The following ICAM5 variants were observed in gnomAD, a reference collection of about 807,000 sequenced individuals.
The protein encoded by ICAM5 is intercellular adhesion molecule 5, also known as ICAM-5.
ICAM5 carries 38 observed loss-of-function variants against 78.8 expected under a neutral mutation model. The observed-to-expected ratio is 0.48, with a 90% CI of 0.37 to 0.63. ICAM5 has a LOEUF of 0.63. Ranked by LOEUF, ICAM5 falls within the 30% of genes least tolerant of loss-of-function variation. The pLI is 0.00. For missense variants in ICAM5, 1,059 were observed against 1,303.0 expected, an observed-to-expected ratio of 0.81 and a Z score of 2.88; for synonymous variants, 544 against 590.9, an observed-to-expected ratio of 0.92 and a Z score of 1.15.
In ICAM5 at chr19:10,293,736, A is replaced by G. The variant is rs765013341; in HGVS notation, c.1504A>G (p.Ile502Val). The change falls in exon 7 of 11, where the codon ATT (isoleucine) becomes GTT (valine). Residue 502 changes from isoleucine (I) to valine (V), a missense_variant. This residue lies in a region of ICAM5 where 815 missense variants were observed against 952.8 expected (regional missense o/e 0.86). Coordinates refer to ENST00000221980, the MANE Select transcript of ICAM5 (RefSeq NM_003259.4). This position sits in a 1 kb window ranked among gnomAD's most constrained non-coding sequence, Gnocchi z 5.0. Reference sequence around the variant, plus strand: ...GGACAGCGTGGGCTGCCCAGAACGCATTACTTGGCTGGAGGGAACAGAAGC... The same window carrying G: ...GGACAGCGTGGGCTGCCCAGAACGCGTTACTTGGCTGGAGGGAACAGAAGC... ...ALDSVGCPER[I>V]TWLEGTEASL... The G allele has an allele frequency of 8.7e-6, 14 of 1,613,802 alleles. No individual in the cohort carries two copies. The East Asian group carries it at 2.7e-4, about 31-fold the overall frequency.
Position 10,293,262 on chromosome 19 carries a change from C to T in ICAM5, c.1465+16C>T. ...ACGGTGGAGTGTGAGTGGGGGTGCG[C>T]AGGGTGCATTTCTATCTGGTTCAAG... On this transcript the variant is annotated intron_variant, in intron 6 of 10. Transcript: ENST00000221980. The surrounding 1 kb of genome is among the most constrained non-coding windows in gnomAD (Gnocchi z 5.0). 6.4e-7 allele frequency: 1 copy of T among 1,563,650 alleles called. No individual in the cohort carries two copies. The highest frequency in any genetic ancestry group is 8.7e-7 in the Non-Finnish European group (1 of 1,153,392).
At chr19:10,292,528 C>T (rs942373257) in intron 4 of ICAM5, 84 bp from the exon 5 acceptor site, 1 of 1,496,358 alleles carries the variant, frequency 6.7e-7, no homozygotes, top group Non-Finnish European at 9.0e-7. Flanking sequence ...CTCAGCACCC[C>T]GAGGATTCGG....
Position 10,290,375 on chromosome 19 carries a change from G to A in ICAM5, c.82+250G>A. 6.5e-6 allele frequency: 3 copies of A among 458,276 alleles called. No individual in the cohort carries two copies. In the Admixed American group the frequency reaches 1.2e-4, roughly 18 times the overall value. The allele number at this position is 458,276 out of a possible 1,614,324, so 28.4% of individuals were successfully genotyped here. ...CTTCCGCACCCAACCCTTCGCCCTG[G>A]AGACCCAGTGTCTCTCCTGTCCGCT... is the stretch of plus-strand genomic sequence containing the variant. On this transcript the variant is annotated intron_variant, in intron 1 of 10. Coordinates refer to ENST00000221980, the MANE Select transcript of ICAM5 (RefSeq NM_003259.4). The surrounding 1 kb of genome is among the most constrained non-coding windows in gnomAD (Gnocchi z 5.7).
In ICAM5 at chr19:10,295,413, G is replaced by A. The variant is rs760862700; in HGVS notation, c.2298G>A (p.Thr766=). The change falls in exon 10 of 11, where the codon ACG becomes ACA. Residue 766 remains threonine (T), a synonymous_variant. Coordinates refer to ENST00000221980, the MANE Select transcript of ICAM5 (RefSeq NM_003259.4). ...PGGVRPGGNF[T]LTCRAEAWPP... is the part of the protein sequence containing the mutation. Reference sequence around the variant, plus strand: ...GCGTGCGCCCAGGAGGAAACTTCACGTTGACCTGCCGCGCGGAGGCCTGGC... The same window carrying A: ...GCGTGCGCCCAGGAGGAAACTTCACATTGACCTGCCGCGCGGAGGCCTGGC... 2 of 1,607,218 alleles carry A rather than the reference G, an allele frequency of 1.2e-6. No individual in the cohort carries two copies. Among genetic ancestry groups the A allele is most frequent in the East Asian group, 4.5e-5 (2 of 44,790 alleles).
In ICAM5 at chr19:10,290,359, C is replaced by A; in HGVS notation, c.82+234C>A. 1 of 476,558 alleles carries A rather than the reference C, an allele frequency of 2.1e-6. No homozygotes were observed. The highest frequency in any genetic ancestry group is 3.8e-5 in the Admixed American group (1 of 26,378). The allele number at this position is 476,558 out of a possible 1,614,324, so 29.5% of individuals were successfully genotyped here. A position where few individuals can be genotyped will look rare whatever the true frequency, so the allele number is the denominator to read the frequency against. Reference sequence around the variant, plus strand: ...CGAGATCCTAGGTGTTCTTCCGCACCCAACCCTTCGCCCTGGAGACCCAGT... The same window carrying A: ...CGAGATCCTAGGTGTTCTTCCGCACACAACCCTTCGCCCTGGAGACCCAGT... On this transcript the variant is annotated intron_variant, in intron 1 of 10. Transcript: ENST00000221980. The surrounding 1 kb of genome is among the most constrained non-coding windows in gnomAD (Gnocchi z 5.7).
rs552030450 is a variant in ICAM5, at chr19:10,290,516, C to T, written c.82+391C>T. 24 of 221,680 alleles carry T rather than the reference C, an allele frequency of 1.1e-4. No homozygotes were observed. The highest frequency in any genetic ancestry group is 5.3e-4 in the African/African-American group (23 of 43,582). 13.7% of individuals were successfully genotyped at this position (221,680 alleles called of 1,614,324 possible). A position where few individuals can be genotyped will look rare whatever the true frequency, so the allele number is the denominator to read the frequency against. On this transcript the variant is annotated intron_variant, in intron 1 of 10. Transcript: ENST00000221980. This position sits in a 1 kb window ranked among gnomAD's most constrained non-coding sequence, Gnocchi z 5.7. ...ACTACCCTGACTCAGAGGCGCTGTT[C>T]CCGCTCCACCCAGAGCCCTGGCAAC...
rs781461316 is a variant in ICAM5, at chr19:10,290,326, A to G, written c.82+201A>G. The G allele has an allele frequency of 3.8e-4, 193 of 502,228 alleles. No individual in the cohort carries two copies. Among genetic ancestry groups the G allele is most frequent in the Non-Finnish European group, 4.9e-4 (140 of 285,040 alleles). 31.1% of individuals were successfully genotyped at this position (502,228 alleles called of 1,614,324 possible). ...GCTTCCTGACTCCTCGATAGCCCCTACCCGCTTCGAGATCCTAGGTGTTCT... is the reference window on the plus strand; with the variant it reads ...GCTTCCTGACTCCTCGATAGCCCCTGCCCGCTTCGAGATCCTAGGTGTTCT... On this transcript the variant is annotated intron_variant, in intron 1 of 10. Coordinates refer to ENST00000221980, the MANE Select transcript of ICAM5 (RefSeq NM_003259.4). The surrounding 1 kb of genome is among the most constrained non-coding windows in gnomAD (Gnocchi z 5.7).
In ICAM5 at chr19:10,290,997, C is replaced by A; in HGVS notation, c.83-75C>A. 1 of 1,495,844 alleles carries A rather than the reference C, an allele frequency of 6.7e-7. No individual in the cohort carries two copies. 92.7% of individuals were successfully genotyped at this position (1,495,844 alleles called of 1,614,324 possible). A position where few individuals can be genotyped will look rare whatever the true frequency, so the allele number is the denominator to read the frequency against. On this transcript the variant is annotated intron_variant, in intron 1 of 10. Transcript: ENST00000221980. This position sits in a 1 kb window ranked among gnomAD's most constrained non-coding sequence, Gnocchi z 5.7. Reference sequence around the variant, plus strand: ...CCTCCTCCTCCCCGCCCTCTGAGAACCCTTGACTCGACATAGGGGCGCTAA... The same window carrying A: ...CCTCCTCCTCCCCGCCCTCTGAGAAACCTTGACTCGACATAGGGGCGCTAA...
rs1482214684 is a variant in ICAM5, at chr19:10,290,052, G to A, written c.9G>A (p.Gly3=). The change falls in exon 1 of 11, where the codon GGG becomes GGA. Residue 3 remains glycine (G), a synonymous_variant. Transcript: ENST00000221980. The surrounding 1 kb of genome is among the most constrained non-coding windows in gnomAD (Gnocchi z 5.7). Reference sequence around the variant, plus strand: ...CTTTCCCCGCCGCGGCGATGCCAGGGCCTTCGCCAGGGCTGCGCCGGGCGC... The same window carrying A: ...CTTTCCCCGCCGCGGCGATGCCAGGACCTTCGCCAGGGCTGCGCCGGGCGC... The part of the protein sequence containing the change: MP[G]PSPGLRRALL... 3 of 1,541,156 alleles carry A rather than the reference G, an allele frequency of 1.9e-6. No individual in the cohort carries two copies. Among genetic ancestry groups the A allele is most frequent in the Non-Finnish European group, 1.7e-6 (2 of 1,145,172 alleles).
In ICAM5 at chr19:10,291,056, G is replaced by T; in HGVS notation, c.83-16G>T. 1 of 1,597,468 alleles carries T rather than the reference G, an allele frequency of 6.3e-7. No individual in the cohort carries two copies. The highest frequency in any genetic ancestry group is 8.5e-7 in the Non-Finnish European group (1 of 1,171,064). ...GGAGTTGGCTCCCCAGGCTCAGCCC[G>T]CGTTTCCCTGGGCAGCGGTCTCGCA... On this transcript the variant is annotated splice_polypyrimidine_tract_variant and intron_variant, in intron 1 of 10. Transcript: ENST00000221980.
Position 10,293,978 on chromosome 19 carries a change from G to A in ICAM5, c.1711+35G>A, listed in dbSNP as rs200631718. On this transcript the variant is annotated intron_variant, in intron 7 of 10. Coordinates refer to ENST00000221980, the MANE Select transcript of ICAM5 (RefSeq NM_003259.4). The surrounding 1 kb of genome is among the most constrained non-coding windows in gnomAD (Gnocchi z 5.0). The stretch of plus-strand genomic sequence containing the variant: ...GGCACCGCGGAGTTAGGCAGGATCT[G>A]TGGGACAACCCCGGCTGGACTTCCT... The A allele has an allele frequency of 3.1e-6, 5 of 1,603,900 alleles. No individual in the cohort carries two copies. The highest frequency in any genetic ancestry group is 3.3e-5 in the Admixed American group (2 of 59,704).
chr19:10,293,897 C>G lies in ICAM5; in HGVS notation c.1665C>G (p.Thr555=). ...EHAGTYRCEA[T]NPRGSAAKNV... ...CGGGCACTTACCGCTGCGAAGCCAC[C>G]AACCCTCGGGGCTCTGCGGCCAAAA... Residue 555 remains threonine (T), a synonymous_variant, in exon 7 of 11, where the codon ACC becomes ACG. Coordinates refer to ENST00000221980, the MANE Select transcript of ICAM5 (RefSeq NM_003259.4). The surrounding 1 kb of genome is among the most constrained non-coding windows in gnomAD (Gnocchi z 5.0). The G allele has an allele frequency of 6.2e-7, 1 of 1,611,662 alleles. No individual in the cohort carries two copies. The highest frequency in any genetic ancestry group is 8.5e-7 in the Non-Finnish European group (1 of 1,179,988).
chr19:10,293,597 C>G lies in ICAM5; in HGVS notation c.1466-101C>G, dbSNP rs915642535. Reference sequence around the variant, plus strand: ...CTTGGATCGGCGTCCAAGGGTTATGCAGGGACAACACTTCGTGGAAGCCTT... The same window carrying G: ...CTTGGATCGGCGTCCAAGGGTTATGGAGGGACAACACTTCGTGGAAGCCTT... On this transcript the variant is annotated intron_variant, in intron 6 of 10. Coordinates refer to ENST00000221980, the MANE Select transcript of ICAM5 (RefSeq NM_003259.4). This position sits in a 1 kb window ranked among gnomAD's most constrained non-coding sequence, Gnocchi z 5.0. The G allele has an allele frequency of 3.4e-6, 5 of 1,480,990 alleles. No individual in the cohort carries two copies. In the African/African-American group the frequency reaches 5.6e-5, roughly 16 times the overall value. 91.7% of individuals were successfully genotyped at this position (1,480,990 alleles called of 1,614,324 possible).
Position 10,294,036 on chromosome 19 carries a change from C to T in ICAM5, c.1712-4C>T, listed in dbSNP as rs774297418. ...GTGTGAGCCCCTGCAATCCTGTTTC[C>T]CAGATGGCCCCAGGTTTGAGGAGCC... is the stretch of plus-strand genomic sequence containing the variant. On this transcript the variant is annotated splice_region_variant and splice_polypyrimidine_tract_variant and intron_variant, in intron 7 of 10. Transcript: ENST00000221980. This position sits in a 1 kb window ranked among gnomAD's most constrained non-coding sequence, Gnocchi z 7.7. 1 of 1,581,002 alleles carries T rather than the reference C, an allele frequency of 6.3e-7. No individual in the cohort carries two copies. The highest frequency in any genetic ancestry group is 8.6e-7 in the Non-Finnish European group (1 of 1,161,198).
At position 10,293,458 on chromosome 19, in the gene ICAM5, G is replaced by C. The variant is rs976975363; in HGVS notation, c.1465+212G>C. Among the ~76,000 whole-genome samples, 14 of 152,202 alleles carry C rather than the reference G, an allele frequency of 9.2e-5. No homozygotes were observed. Among genetic ancestry groups the C allele is most frequent in the African/African-American group, 3.4e-4 (14 of 41,450 alleles). On this transcript the variant is annotated intron_variant, in intron 6 of 10. Transcript: ENST00000221980. This position sits in a 1 kb window ranked among gnomAD's most constrained non-coding sequence, Gnocchi z 5.0. ...TAGCCTAGGGCGTGGTATTTGGGCG[G>C]AGTCGTGGAAAGGCGGGCAGTCCAG...
At position 10,292,236 on chromosome 19, in the gene ICAM5, C is replaced by G. The variant is rs2040179482; in HGVS notation, c.875C>G (p.Ala292Gly). ...FVATATATAS[A>G]EQEGARQLVC... The stretch of plus-strand genomic sequence containing the variant: ...GCCACTGCCACAGCCACAGCTAGCG[C>G]AGAGCAGGAGGGTGCCAGGCAGCTG... Residue 292 changes from alanine to glycine, a missense_variant, in exon 4 of 11, where the codon GCA becomes GGA. Transcript: ENST00000221980. 6.2e-7 allele frequency: 1 copy of G among 1,613,070 alleles called. No individual in the cohort carries two copies. The highest frequency in any genetic ancestry group is 1.3e-5 in the African/African-American group (1 of 75,074).
At chr19:10,291,909 C>A in intron 3 of ICAM5, 100 bp downstream of exon 3, 1 of 1,490,134 alleles carries the variant, frequency 6.7e-7, no homozygotes. Flanking sequence ...GACTTCAACC[C>A]TCGCCGGCTG....
Position 10,290,850 on chromosome 19 carries a change from A to C in ICAM5, c.83-222A>C, listed in dbSNP as rs904850536. 2 of 614,208 alleles carry C rather than the reference A, an allele frequency of 3.3e-6. No homozygotes were observed. The highest frequency in any genetic ancestry group is 3.7e-5 in the African/African-American group (2 of 53,932). 38.0% of individuals were successfully genotyped at this position (614,208 alleles called of 1,614,324 possible). ...CCGCTCCATCGGCGCTTTGGAGACC[A>C]TGGCTCTCTGCTACCACGTCCCAGA... On this transcript the variant is annotated intron_variant, in intron 1 of 10. Transcript: ENST00000221980. This position sits in a 1 kb window ranked among gnomAD's most constrained non-coding sequence, Gnocchi z 5.7.
In ICAM5 at chr19:10,290,412, T is replaced by G. The variant is rs969106291; in HGVS notation, c.82+287T>G. On this transcript the variant is annotated intron_variant, in intron 1 of 10. Transcript: ENST00000221980. The surrounding 1 kb of genome is among the most constrained non-coding windows in gnomAD (Gnocchi z 5.7). ...CTCTCCTGTCCGCTCCCCGGGTACC[T>G]CCTTACGCTGTGCTGTGCACCATGG... is the stretch of plus-strand genomic sequence containing the variant. 2.5e-5 allele frequency: 10 copies of G among 406,914 alleles called. No homozygotes were observed. Among genetic ancestry groups the G allele is most frequent in the East Asian group, 2.1e-4 (5 of 23,984 alleles). 25.2% of individuals were successfully genotyped at this position (406,914 alleles called of 1,614,324 possible).
Sources: allele counts gnomAD v4.1 joint callset (sites outside exome capture counted in the v4.1 genomes callset), GRCh38; gene constraint gnomAD v4.1.1; regional missense constraint gnomAD v4.1.1; non-coding constraint Gnocchi (gnomAD v3.1); transcripts MANE v1.5; gene names NCBI Gene and HGNC (gene_info 2026-07-23, HGNC 2026-07-21).